KIAA0232: variants seen among roughly 807,000 people sequenced by gnomAD.
KIAA0232 encodes KIAA0232, also known as uncharacterized protein KIAA0232.
Under a neutral mutation model 122.0 loss-of-function variants are expected in KIAA0232, and 27 were observed. The observed-to-expected ratio is 0.22, with a 90% confidence interval of 0.16 to 0.31. The LOEUF (loss-of-function observed/expected upper bound fraction) is 0.31. KIAA0232 is among the 10% of genes least tolerant of loss of function. The pLI is 1.00. For synonymous variants in KIAA0232, 613 were observed against 587.6 expected (o/e 1.04, Z -0.63); for missense variants, 1,551 against 1,634.2 (o/e 0.95, Z 0.88).
At chr4:6,830,617 G>A (rs1718921452) in intron 3 of KIAA0232, among the ~76,000 whole-genome samples, 1 of 151,908 alleles carries the variant, frequency 6.6e-6, no homozygotes, top group Admixed American at 6.6e-5. Context: ...ATGTTGGCCA[G>A]GCTGGTCTCG....
At chr4:6,825,570 C>T (rs929851039) in intron 3 of KIAA0232, among the ~76,000 whole-genome samples, 6 of 150,700 alleles carry the variant, frequency 4.0e-5, no homozygotes, top group African/African-American at 1.5e-4. Flanking sequence ...CGCACGCATA[C>T]ACGAGAGAGA....
chr4:6,801,791 A>G (rs1171405687), intron 1 of KIAA0232, among the ~76,000 whole-genome samples: 2 of 152,128 alleles, frequency 1.3e-5, no homozygotes, highest in Admixed American at 6.5e-5. Context: ...AGAAACGTGG[A>G]TTCTGGTTTA....
chr4:6,783,652 G>A (rs1010525966), intron 1 of KIAA0232, among the ~76,000 whole-genome samples: 10 of 150,748 alleles, frequency 6.6e-5, no homozygotes, highest in African/African-American at 2.4e-4. Flanking sequence ...CCGGGAGGCC[G>A]GCTGAGCGAC....
chr4:6,864,136 T>A lies in KIAA0232; in HGVS notation c.3754T>A (p.Phe1252Ile), dbSNP rs1366660463. 1 of 1,614,098 alleles carries A rather than the reference T, an allele frequency of 6.2e-7. No individual in the cohort carries two copies. The highest frequency in any genetic ancestry group is 2.2e-5 in the East Asian group (1 of 44,876). Reference protein sequence around the residue: ...NFCGCKAGCQFPAYEDNPVSS... With the variant: ...NFCGCKAGCQIPAYEDNPVSS... ...TTGTGGTTGCAAAGCAGGTTGTCAG[T>A]TTCCTGCTTATGAAGATAATCCAGT... is the stretch of plus-strand genomic sequence containing the variant. Residue 1252 changes from phenylalanine to isoleucine, a missense_variant, in exon 7 of 10, where the codon TTT (phenylalanine) becomes ATT (isoleucine). Phe to Ile is a conservative substitution (Grantham distance 21). Around this residue, in one of 5 missense-constraint regions of KIAA0232, gnomAD observed 1,108 missense variants for 1,154.8 expected, o/e 0.96. Coordinates refer to ENST00000307659, the MANE Select transcript of KIAA0232 (RefSeq NM_014743.3).
At position 6,881,149 on chromosome 4, in the gene KIAA0232, AT is replaced by A. The variant is rs1372938012; in HGVS notation, c.*191del. On this transcript the variant is annotated 3_prime_UTR_variant, in exon 10 of 10. Coordinates refer to ENST00000307659, the MANE Select transcript of KIAA0232 (RefSeq NM_014743.3). The stretch of plus-strand genomic sequence containing the variant: ...GTTGAGGACAGCTATCCTGTTAAAG[AT>A]TTTTTTTCCCAGCTGTTAAATTCTT... The A allele has an allele frequency of 2.4e-5, 11 of 449,466 alleles. No individual in the cohort carries two copies. The highest frequency in any genetic ancestry group is 4.4e-5 in the Admixed American group (1 of 22,566). 27.8% of individuals were successfully genotyped at this position (449,466 alleles called of 1,614,324 possible). A position where few individuals can be genotyped will look rare whatever the true frequency, so the allele number is the denominator to read the frequency against.
Position 6,863,256 on chromosome 4 carries a change from G to A in KIAA0232, c.2874G>A (p.Leu958=). The change falls in exon 7 of 10, where the codon CTG becomes CTA. Residue 958 remains leucine (L), a synonymous_variant. Transcript: ENST00000307659. ...VVPPSHTKGS[L]LQCAASDVVT... Reference sequence around the variant, plus strand: ...CACCTAGTCACACAAAAGGAAGTCTGTTACAGTGTGCAGCTTCTGATGTTG... The same window carrying A: ...CACCTAGTCACACAAAAGGAAGTCTATTACAGTGTGCAGCTTCTGATGTTG... 3 of 1,614,080 alleles carry A rather than the reference G, an allele frequency of 1.9e-6. No individual in the cohort carries two copies. The highest frequency in any genetic ancestry group is 2.5e-6 in the Non-Finnish European group (3 of 1,180,026).
chr4:6,871,514 T>G, intron 7 of KIAA0232, 60 bp from the exon 8 acceptor site: 1 of 951,052 alleles, frequency 1.1e-6, no homozygotes, highest in Non-Finnish European at 1.7e-6. Flanking sequence ...AATGCTTGAA[T>G]ATTCTTCCTC....
chr4:6,833,188 C>CGT (rs1220497539), intron 3 of KIAA0232, among the ~76,000 whole-genome samples: 1 of 152,202 alleles, frequency 6.6e-6, no homozygotes, highest in Non-Finnish European at 1.5e-5. Context: ...AAGCGCTCCT[C>CGT]GTGTGTGTCA....
At chr4:6,830,718 T>G (rs1718930086) in intron 3 of KIAA0232, among the ~76,000 whole-genome samples, 1 of 152,104 alleles carries the variant, frequency 6.6e-6, no homozygotes, top group African/African-American at 2.4e-5. Flanking sequence ...GTTTTCTTTA[T>G]TCTCAAGCTT....
Position 6,881,927 on chromosome 4 carries a change from T to C in KIAA0232, c.*961T>C, listed in dbSNP as rs1353323983. ...GCAGCTAGCCGCTTCTTGGCTGTGA[T>C]GTAGTATAGCTTCGATCTCATTTTG... On this transcript the variant is annotated 3_prime_UTR_variant, in exon 10 of 10. Coordinates refer to ENST00000307659, the MANE Select transcript of KIAA0232 (RefSeq NM_014743.3). The C allele has an allele frequency of 1.3e-5, 2 of 152,778 alleles. No individual in the cohort carries two copies. The highest frequency in any genetic ancestry group is 3.4e-3 in the Middle Eastern group (1 of 294). The allele number at this position is 152,778 out of a possible 1,614,324, so 9.5% of individuals were successfully genotyped here.
chr4:6,871,800 G>C (rs1322707285), intron 8 of KIAA0232, 118 bp downstream of exon 8: 4 of 665,886 alleles, frequency 6.0e-6, no homozygotes, highest in African/African-American at 1.8e-5. Context: ...TTCTGTGTGG[G>C]TAGCACTTTG....
intron 8 of KIAA0232, among the ~76,000 whole-genome samples, chr4:6,876,154 C>G (rs1721740309): frequency 6.6e-6 from 1 of 152,136 alleles, no homozygotes; most frequent in East Asian, 1.9e-4. Flanking sequence ...ATACATGGTT[C>G]AGTATGTTGT....
Position 6,824,463 on chromosome 4 carries a change from A to T in KIAA0232, c.10A>T (p.Ile4Phe), listed in dbSNP as rs1560175675. The T allele has an allele frequency of 6.2e-7, 1 of 1,611,244 alleles. No homozygotes were observed. The highest frequency in any genetic ancestry group is 8.5e-7 in the Non-Finnish European group (1 of 1,177,320). Reference sequence around the variant, plus strand: ...TCGGCAACCTAAATTCATGTACCCTATCTGTACAGTTGTTGTGGATGGTTT... The same window carrying T: ...TCGGCAACCTAAATTCATGTACCCTTTCTGTACAGTTGTTGTGGATGGTTT... MYP[I>F]CTVVVDGLPS... Residue 4 changes from isoleucine (I) to phenylalanine (F), a missense_variant, in exon 3 of 10, where the codon ATC (isoleucine) becomes TTC (phenylalanine). Transcript: ENST00000307659.
intron 2 of KIAA0232, among the ~76,000 whole-genome samples, chr4:6,823,769 A>G (rs1298561004): frequency 6.6e-6 from 1 of 152,056 alleles, no homozygotes; most frequent in Non-Finnish European, 1.5e-5. Flanking sequence ...CAGAGCATCA[A>G]CTCCTGAATT....
intron 3 of KIAA0232, among the ~76,000 whole-genome samples, chr4:6,837,353 A>G (rs1345297282): frequency 7.4e-6 from 1 of 135,950 alleles, no homozygotes; most frequent in East Asian, 2.3e-4. Flanking sequence ...ATCCCAGACG[A>G]TGGGCGGCCG....
chr4:6,816,507 C>T (rs925408634), intron 2 of KIAA0232, among the ~76,000 whole-genome samples: 8 of 152,142 alleles, frequency 5.3e-5, no homozygotes, highest in African/African-American at 1.9e-4. Context: ...TGGTATCGAT[C>T]TCCTGACCTC....
chr4:6,807,032 G>GTCTGTCTATCTATCTATCTA (rs750617409), intron 2 of KIAA0232, among the ~76,000 whole-genome samples: 231 of 145,858 alleles, frequency 1.6e-3, no homozygotes, highest in South Asian at 5.8e-3. Flanking sequence ...CTGTCTGTCT[G>GTCTGTCTATCTATCTATCTA]TCTATCTATC....
At chr4:6,866,349 G>A (rs868220020) in intron 7 of KIAA0232, 2 of 350,920 alleles carry the variant, frequency 5.7e-6, no homozygotes, top group Non-Finnish European at 8.0e-6. Context: ...AGGACATTTT[G>A]GGATTGTCTG....
chr4:6,846,621 T>TTTTTG (rs1188701634), intron 4 of KIAA0232, among the ~76,000 whole-genome samples: 3 of 151,942 alleles, frequency 2.0e-5, no homozygotes, highest in Non-Finnish European at 4.4e-5. Context: ...TGGGGACCAC[T>TTTTTG]GCCTTAAACC....
Sources: allele counts gnomAD v4.1 joint callset (sites outside exome capture counted in the v4.1 genomes callset), GRCh38; gene constraint gnomAD v4.1.1; regional missense constraint gnomAD v4.1.1; transcripts MANE v1.5; gene names NCBI Gene and HGNC (gene_info 2026-07-23, HGNC 2026-07-21).